The following NUP62CL variants were observed in gnomAD, a reference collection of about 807,000 sequenced individuals.
The protein encoded by NUP62CL is nucleoporin 62 C-terminal like.
Under a neutral mutation model 15.3 loss-of-function variants are expected in NUP62CL, and 13 were observed. The observed-to-expected ratio is 0.85, with a 90% CI of 0.55 to 1.35. The LOEUF (loss-of-function observed/expected upper bound fraction) is 1.35. Ranked by LOEUF, NUP62CL falls within the 40% of genes most tolerant of loss-of-function variation. The probability of loss-of-function intolerance (pLI) is 0.00; values close to 1 mark genes in which losing one functional copy is unlikely to be tolerated. For missense variants in NUP62CL, 123 were observed against 130.6 expected (o/e 0.94, Z 0.28); for synonymous variants, 54 against 49.2 (o/e 1.10, Z -0.41).
intron 1 of NUP62CL, among the ~76,000 whole-genome samples, chrX:107,196,699 C>T (rs1927368124): frequency 8.9e-6 from 1 of 112,131 alleles, no homozygotes; most frequent in African/African-American, 3.2e-5. Context: ...ATCCACCCGC[C>T]TTAGCCTCCC....
At chrX:107,131,670 G>A (rs1171555889) in intron 8 of NUP62CL, 7 of 634,773 alleles carry the variant, frequency 1.1e-5, no homozygotes, top group Admixed American at 2.3e-5. Flanking sequence ...CTGGAGGATG[G>A]AGAAGAGGAG....
chrX:107,141,589 C>T (rs1357197116), intron 8 of NUP62CL, among the ~76,000 whole-genome samples: 1 of 111,409 alleles, frequency 9.0e-6, no homozygotes, highest in Admixed American at 9.5e-5. Context: ...ACCAAGATTT[C>T]CCAAAGAATT....
chrX:107,174,770 C>T (rs1926745207), intron 3 of NUP62CL, among the ~76,000 whole-genome samples: 1 of 111,888 alleles, frequency 8.9e-6, no homozygotes, highest in Non-Finnish European at 1.9e-5. Flanking sequence ...GACTTCTTCC[C>T]TTCAGAAATA....
chrX:107,186,620 G>A (rs966754970), intron 2 of NUP62CL, among the ~76,000 whole-genome samples: 2 of 111,655 alleles, frequency 1.8e-5, no homozygotes, highest in African/African-American at 3.3e-5. Flanking sequence ...CTTTTCGAGC[G>A]GGGCGTGATA....
At chrX:107,206,224 G>C (rs898501641) in intron 1 of NUP62CL, 49 bp downstream of exon 1, 1 of 110,687 alleles carries the variant, frequency 9.0e-6, no homozygotes, top group Non-Finnish European at 1.9e-5. Flanking sequence ...GCGCAAAAGA[G>C]AGCGAAGCCT....
chrX:107,153,127 T>C, intron 7 of NUP62CL, 45 bp downstream of exon 7: 1 of 1,128,824 alleles, frequency 8.9e-7, no homozygotes, highest in Non-Finnish European at 1.2e-6. Flanking sequence ...GCTCTCAGAA[T>C]ACGTAAGTCC....
chrX:107,134,582 T>C (rs1925595279), intron 8 of NUP62CL, among the ~76,000 whole-genome samples: 1 of 111,313 alleles, frequency 9.0e-6, no homozygotes, highest in African/African-American at 3.3e-5. Context: ...GCCTCCCTAG[T>C]GGCTGGGACT....
chrX:107,134,124 G>C (rs1569353982), intron 8 of NUP62CL, among the ~76,000 whole-genome samples: 1 of 112,062 alleles, frequency 8.9e-6, no homozygotes, highest in Non-Finnish European at 1.9e-5. Flanking sequence ...AAGGATAAAG[G>C]AACAATTCCA....
intron 8 of NUP62CL, chrX:107,132,413 C>G: frequency 2.4e-6 from 1 of 409,389 alleles, no homozygotes; most frequent in South Asian, 4.6e-5. Flanking sequence ...CCAGTCATAA[C>G]ACAACTTATT....
intron 1 of NUP62CL, among the ~76,000 whole-genome samples, chrX:107,198,548 G>A (rs1299123263): frequency 2.7e-5 from 3 of 111,445 alleles, no homozygotes; most frequent in African/African-American, 9.8e-5. Context: ...TGAAGCCAGT[G>A]AGACCACGAA....
At position 107,193,037 on chromosome X, in the gene NUP62CL, T is replaced by C. The variant is rs1362066802; in HGVS notation, c.-56A>G. 1 of 111,005 alleles carries C rather than the reference T, an allele frequency of 9.0e-6. No individual in the cohort carries two copies. The highest frequency in any genetic ancestry group is 1.9e-5 in the Non-Finnish European group (1 of 53,015). 9.1% of individuals were successfully genotyped at this position (111,005 alleles called of 1,213,427 possible). ...CCAAATAATGAACCCACCTGTAAAGTTCCTCCAAAATTAAACCTGCTGATG... is the reference window on the plus strand; with the variant it reads ...CCAAATAATGAACCCACCTGTAAAGCTCCTCCAAAATTAAACCTGCTGATG... On this transcript the variant is annotated 5_prime_UTR_variant, in exon 2 of 9. Transcript: ENST00000372466.
At chrX:107,152,147 TTC>T (rs1475771636) in intron 7 of NUP62CL, among the ~76,000 whole-genome samples, 8 of 65,484 alleles carry the variant, frequency 1.2e-4, no homozygotes, top group African/African-American at 4.9e-4. Flanking sequence ...TATATATATA[TTC>T]AGATATATAT....
chrX:107,177,319 T>C (rs1182245103), intron 2 of NUP62CL, among the ~76,000 whole-genome samples: 1 of 111,688 alleles, frequency 9.0e-6, no homozygotes, highest in Non-Finnish European at 1.9e-5. Context: ...AAGGATCTCA[T>C]GTTTATAGAT....
intron 2 of NUP62CL, among the ~76,000 whole-genome samples, chrX:107,176,239 G>T (rs1926779502): frequency 9.0e-6 from 1 of 111,259 alleles, no homozygotes; most frequent in African/African-American, 3.3e-5. Flanking sequence ...GAGGAGGCAG[G>T]GAGCTTTATG....
At chrX:107,132,838 TAAGTA>T (rs1448762961) in intron 8 of NUP62CL, among the ~76,000 whole-genome samples, 1 of 112,185 alleles carries the variant, frequency 8.9e-6, no homozygotes, top group Non-Finnish European at 1.9e-5. Flanking sequence ...TTTATTAAGT[TAAGTA>T]TATAAGTTTT....
At chrX:107,202,224 CATGG>C (rs1006334601) in intron 1 of NUP62CL, among the ~76,000 whole-genome samples, 2 of 111,579 alleles carry the variant, frequency 1.8e-5, no homozygotes, top group African/African-American at 3.3e-5. Flanking sequence ...TTGGTAGATA[CATGG>C]ATGATGGTTC....
intron 8 of NUP62CL, among the ~76,000 whole-genome samples, chrX:107,128,455 C>T (rs1323756774): frequency 2.7e-5 from 3 of 111,948 alleles, no homozygotes; most frequent in East Asian, 5.6e-4. Flanking sequence ...GGACCCCAAG[C>T]TCATGCCAGG....
rs769293611 is a variant in NUP62CL, at chrX:107,173,401, A to G, written c.58+1688T>C. 2.7e-5 allele frequency among the ~76,000 whole-genome samples: 3 copies of G among 112,372 alleles called. No homozygotes were observed. In the East Asian group the frequency reaches 8.4e-4, roughly 31 times the overall value. On this transcript the variant is annotated intron_variant, in intron 3 of 8. Transcript: ENST00000372466. The stretch of plus-strand genomic sequence containing the variant: ...AAACTTACTAAAATTTCTGGATTGC[A>G]TACTTAAAGTGAGTTAATTTTATGA...
In NUP62CL at chrX:107,189,945, G is replaced by GAAAGAAAGAAAGAAAA. The variant is rs780904593; in HGVS notation, c.-48+3083_-48+3084insTTTTCTTTCTTTCTTT. 4.9e-3 allele frequency among the ~76,000 whole-genome samples: 433 copies of GAAAGAAAGAAAGAAAA among 88,783 alleles called. 19 individuals carry two copies. Among genetic ancestry groups the GAAAGAAAGAAAGAAAA allele is most frequent in the African/African-American group, 0.018 (363 of 20,530 alleles). The allele number at this position is 88,783 out of a possible 115,157, so 77.1% of individuals were successfully genotyped here. A position where few individuals can be genotyped will look rare whatever the true frequency, so the allele number is the denominator to read the frequency against. ...AGAAAGAAAGAAAGAAAGAAAGAAA[G>GAAAGAAAGAAAGAAAA]AGAATCGATACAGACAACAATCTGG... On this transcript the variant is annotated intron_variant, in intron 2 of 8. Coordinates refer to ENST00000372466, the MANE Select transcript of NUP62CL (RefSeq NM_017681.3).
Sources: gnomAD v4.1 joint callset for allele counts (sites outside exome capture counted in the v4.1 genomes callset) on GRCh38, gnomAD v4.1.1 for gene constraint, MANE v1.5 for transcripts, NCBI Gene and HGNC (gene_info 2026-07-23, HGNC 2026-07-21) for gene names.